Variants in ABCC4 observed in about 807,000 individuals in gnomAD.
ABCC4 encodes ATP-binding cassette sub-family C member 4.
Under a neutral mutation model 168.5 loss-of-function variants are expected in ABCC4, and 102 were observed. That is an observed-to-expected ratio of 0.61 (90% CI 0.52 to 0.71). The LOEUF (loss-of-function observed/expected upper bound fraction) is 0.71. Ranked by LOEUF, ABCC4 falls within the 30% of genes least tolerant of loss-of-function variation. The pLI is 0.00. For missense variants in ABCC4, 1,402 were observed against 1,605.8 expected, an observed-to-expected ratio of 0.87 and a Z score of 2.17; for synonymous variants, 617 against 590.7, an observed-to-expected ratio of 1.04 and a Z score of -0.65.
chr13:95,177,595 G>C (rs897702536), intron 13 of ABCC4, 112 bp downstream of exon 13: 12 of 764,532 alleles, frequency 1.6e-5, no homozygotes, highest in Non-Finnish European at 2.1e-5. Flanking sequence ...GACAGTGTGG[G>C]GAGGGGAGCG....
intron 19 of ABCC4, among the ~76,000 whole-genome samples, chr13:95,149,935 T>C (rs1161145269): frequency 6.6e-6 from 1 of 152,198 alleles, no homozygotes; most frequent in African/African-American, 2.4e-5. Flanking sequence ...ACTATCAGGC[T>C]GAAGATCAAC....
At chr13:95,211,603 C>T (rs1421448348) in intron 4 of ABCC4, among the ~76,000 whole-genome samples, 2 of 151,840 alleles carry the variant, frequency 1.3e-5, no homozygotes, top group Non-Finnish European at 1.5e-5. Context: ...ACAGGTGAAG[C>T]TTATGGAAAT....
intron 3 of ABCC4, among the ~76,000 whole-genome samples, chr13:95,237,036 C>T (rs1003710395): frequency 6.6e-6 from 1 of 152,140 alleles, no homozygotes; most frequent in Non-Finnish European, 1.5e-5. Flanking sequence ...TCTCACAGTC[C>T]CTGGGAGTCA....
At chr13:95,093,757 T>C (rs544683550) in intron 20 of ABCC4, among the ~76,000 whole-genome samples, 6 of 150,982 alleles carry the variant, frequency 4.0e-5, no homozygotes, top group African/African-American at 1.4e-4. Flanking sequence ...CAAACTGTCG[T>C]TTACCTTGGA....
At chr13:95,230,506 G>C (rs1359699925) in intron 4 of ABCC4, among the ~76,000 whole-genome samples, 1 of 152,236 alleles carries the variant, frequency 6.6e-6, no homozygotes, top group Non-Finnish European at 1.5e-5. Flanking sequence ...GCCGGGTACA[G>C]TGGCTCACGC....
intron 20 of ABCC4, among the ~76,000 whole-genome samples, chr13:95,110,170 G>A (rs1003711399): frequency 5.9e-5 from 9 of 152,014 alleles, no homozygotes; most frequent in Admixed American, 3.3e-4. Flanking sequence ...TTAGACAGGC[G>A]TGGTGGTGGG....
intron 30 of ABCC4, among the ~76,000 whole-genome samples, chr13:95,025,688 A>G (rs1052171811): frequency 6.6e-6 from 1 of 151,908 alleles, no homozygotes; most frequent in African/African-American, 2.4e-5. Flanking sequence ...TATAATTTTA[A>G]GAGTAGTACA....
chr13:95,059,545 C>T (rs1428455683), intron 26 of ABCC4, among the ~76,000 whole-genome samples: 3 of 152,252 alleles, frequency 2.0e-5, no homozygotes, highest in East Asian at 1.9e-4. Flanking sequence ...CCGCTAAGAC[C>T]GGGGTGGGGG....
chr13:95,099,061 C>G (rs571953027), intron 20 of ABCC4, among the ~76,000 whole-genome samples: 1 of 152,164 alleles, frequency 6.6e-6, no homozygotes, highest in Non-Finnish European at 1.5e-5. Flanking sequence ...ATGTAGTGTA[C>G]CCATAAACAC....
At chr13:95,207,045 T>A (rs2038803362) in intron 7 of ABCC4, among the ~76,000 whole-genome samples, 1 of 152,166 alleles carries the variant, frequency 6.6e-6, no homozygotes, top group South Asian at 2.1e-4. Context: ...AATACATATT[T>A]TGTTTTTTGA....
chr13:95,041,331 T>TA (rs1478873090), intron 29 of ABCC4, among the ~76,000 whole-genome samples: 4 of 152,334 alleles, frequency 2.6e-5, no homozygotes, highest in Admixed American at 2.6e-4. Flanking sequence ...AGTCAACACA[T>TA]AAACAAAGCT....
At chr13:95,139,392 C>G (rs2036242904) in intron 19 of ABCC4, among the ~76,000 whole-genome samples, 1 of 152,144 alleles carries the variant, frequency 6.6e-6, no homozygotes, top group Non-Finnish European at 1.5e-5. Context: ...AAATTCAAAA[C>G]AAGAAGAATG....
At position 95,194,952 on chromosome 13, in the gene ABCC4, A is replaced by G; in HGVS notation, c.1162-15T>C. The G allele has an allele frequency of 6.2e-7, 1 of 1,600,862 alleles. No homozygotes were observed. The highest frequency in any genetic ancestry group is 8.5e-7 in the Non-Finnish European group (1 of 1,170,300). ...AGCAAAAAGGTCTAAAGAAAATGGG[A>G]AAAACACAGATTGTTTAAATTACAG... On this transcript the variant is annotated splice_polypyrimidine_tract_variant and intron_variant, in intron 8 of 30. Transcript: ENST00000645237.
intron 26 of ABCC4, among the ~76,000 whole-genome samples, chr13:95,057,691 A>T (rs878901465): frequency 6.6e-6 from 1 of 152,224 alleles, no homozygotes; most frequent in East Asian, 1.9e-4. Flanking sequence ...AGGACCCTGA[A>T]CCATAAATGA....
chr13:95,085,008 C>T (rs1411352434), intron 20 of ABCC4, among the ~76,000 whole-genome samples: 1 of 152,210 alleles, frequency 6.6e-6, no homozygotes, highest in African/African-American at 2.4e-5. Context: ...TACTCTGAAA[C>T]CACAACGCTT....
chr13:95,203,547 G>A (rs1468081479), intron 8 of ABCC4, among the ~76,000 whole-genome samples: 3 of 151,824 alleles, frequency 2.0e-5, no homozygotes, highest in East Asian at 1.9e-4. Context: ...TAGTAGAGAC[G>A]GGATTTCACC....
chr13:95,079,625 A>G (rs1426646018), intron 21 of ABCC4, among the ~76,000 whole-genome samples: 1 of 152,194 alleles, frequency 6.6e-6, no homozygotes, highest in African/African-American at 2.4e-5. Flanking sequence ...ATCTGAGGTC[A>G]GGAGTTCGAG....
intron 1 of ABCC4, among the ~76,000 whole-genome samples, chr13:95,290,895 G>C (rs1272161052): frequency 1.3e-5 from 2 of 148,716 alleles, no homozygotes; most frequent in African/African-American, 4.9e-5. Context: ...TACTCGGGAG[G>C]CTGAGACAGG....
intron 20 of ABCC4, among the ~76,000 whole-genome samples, chr13:95,107,091 T>C (rs1256110230): frequency 6.6e-6 from 1 of 151,978 alleles, no homozygotes; most frequent in African/African-American, 2.4e-5. Flanking sequence ...ACCCCATCTC[T>C]ACTAAAAATA....
Sources: allele counts gnomAD v4.1 joint callset (sites outside exome capture counted in the v4.1 genomes callset), GRCh38; gene constraint gnomAD v4.1.1; transcripts MANE v1.5; gene names NCBI Gene and HGNC (gene_info 2026-07-23, HGNC 2026-07-21).